Variants in CDON observed in about 807,000 individuals in gnomAD.
CDON encodes cell adhesion molecule-related/down-regulated by oncogenes.
In CDON, 73 loss-of-function variants were observed where a neutral mutation model predicts 120.9. The ratio of observed to expected loss-of-function variants is 0.60; its 90% CI spans 0.50 to 0.73. The LOEUF is 0.73. Among genes scored for constraint, CDON ranks in the 30% least tolerant of loss-of-function variants. The probability of loss-of-function intolerance (pLI) is 0.00; values close to 1 mark genes in which losing one functional copy is unlikely to be tolerated. For synonymous variants in CDON, 566 were observed against 573.5 expected, an observed-to-expected ratio of 0.99 and a Z score of 0.19; for missense variants, 1,470 against 1,587.3, an observed-to-expected ratio of 0.93 and a Z score of 1.26.
Position 126,017,158 on chromosome 11 carries a change from T to C in CDON, c.858A>G (p.Gly286=). The stretch of plus-strand genomic sequence containing the variant: ...TGTTTCCCGCCATGCAGGAATAGTT[T>C]CCGGAGTCCGCCGGGTCAACGCTAT... ...ATDSVDPADS[G]NYSCMAGNKS... The change falls in exon 6 of 20, where the codon GGA becomes GGG. Residue 286 remains glycine, a synonymous_variant. Coordinates refer to ENST00000531738, the MANE Select transcript of CDON (RefSeq NM_001378964.1). 1 of 1,614,196 alleles carries C rather than the reference T, an allele frequency of 6.2e-7. No individual in the cohort carries two copies. The highest frequency in any genetic ancestry group is 8.5e-7 in the Non-Finnish European group (1 of 1,180,032).
intron 17 of CDON, among the ~76,000 whole-genome samples, 159 bp from the exon 18 acceptor site, chr11:125,978,542 A>G (rs1251619615): frequency 6.6e-6 from 1 of 152,238 alleles, no homozygotes; most frequent in Admixed American, 6.5e-5. Context: ...GTCATTGTGA[A>G]TATCACTGAC....
intron 18 of CDON, among the ~76,000 whole-genome samples, chr11:125,964,869 C>A (rs1237626909): frequency 1.3e-5 from 2 of 152,186 alleles, no homozygotes; most frequent in Admixed American, 1.3e-4. Context: ...ATCAAAAGAT[C>A]AGAAATATCT....
intron 1 of CDON, among the ~76,000 whole-genome samples, chr11:126,032,231 G>A (rs1378889612): frequency 6.6e-6 from 1 of 152,036 alleles, no homozygotes; most frequent in Non-Finnish European, 1.5e-5. Flanking sequence ...ATTTGTACTT[G>A]GAGAGGTGAA....
intron 7 of CDON, among the ~76,000 whole-genome samples, chr11:126,012,315 A>G (rs1409678002): frequency 6.6e-6 from 1 of 152,174 alleles, no homozygotes; most frequent in Non-Finnish European, 1.5e-5. Context: ...CTCTTCCTAT[A>G]TAACTGGCTG....
intron 18 of CDON, among the ~76,000 whole-genome samples, chr11:125,973,010 T>C (rs1477529905): frequency 7.0e-6 from 1 of 143,324 alleles, no homozygotes; most frequent in Admixed American, 7.6e-5. Context: ...TTCAACCAAT[T>C]ACTTGGTCTT....
Position 125,959,124 on chromosome 11 carries a change from C to T in CDON, c.*1818G>A, listed in dbSNP as rs555867873. 3 of 152,190 alleles carry T rather than the reference C, an allele frequency of 2.0e-5. No homozygotes were observed. The highest frequency in any genetic ancestry group is 4.4e-5 in the Non-Finnish European group (3 of 68,042). 9.4% of individuals were successfully genotyped at this position (152,190 alleles called of 1,614,324 possible). ...AGGGAATTACATTCACTACATTCTA[C>T]TGGAAGTAACTCTTGCATAGTGACC... On this transcript the variant is annotated 3_prime_UTR_variant, in exon 20 of 20. Coordinates refer to ENST00000531738, the MANE Select transcript of CDON (RefSeq NM_001378964.1).
At chr11:126,031,189 G>A (rs1456444089) in intron 1 of CDON, among the ~76,000 whole-genome samples, 1 of 152,130 alleles carries the variant, frequency 6.6e-6, no homozygotes, top group Non-Finnish European at 1.5e-5. Flanking sequence ...GAGCTATCCT[G>A]GAAACTCAAC....
intron 15 of CDON, among the ~76,000 whole-genome samples, chr11:125,988,513 T>G (rs1296353960): frequency 6.6e-6 from 1 of 152,190 alleles, no homozygotes; most frequent in Non-Finnish European, 1.5e-5. Context: ...ACTAACAACG[T>G]TGGAGTTAGT....
chr11:126,050,505 C>G (rs1364045803), intron 1 of CDON, among the ~76,000 whole-genome samples: 1 of 149,592 alleles, frequency 6.7e-6, no homozygotes, highest in Non-Finnish European at 1.5e-5. Context: ...AACACACACA[C>G]ACACACACAC....
At chr11:126,049,253 C>T (rs1001251227) in intron 1 of CDON, among the ~76,000 whole-genome samples, 4 of 152,134 alleles carry the variant, frequency 2.6e-5, no homozygotes, top group Admixed American at 6.5e-5. Context: ...AACTTACAGA[C>T]AAGCATCATC....
intron 1 of CDON, among the ~76,000 whole-genome samples, chr11:126,040,986 C>A (rs1194635538): frequency 1.3e-5 from 2 of 151,442 alleles, no homozygotes; most frequent in African/African-American, 4.8e-5. Context: ...GTCAGGAGTT[C>A]CAGACCAGCC....
intron 8 of CDON, among the ~76,000 whole-genome samples, chr11:126,009,055 G>A (rs1454061189): frequency 2.0e-5 from 3 of 152,214 alleles, no homozygotes; most frequent in Non-Finnish European, 4.4e-5. Flanking sequence ...CTGTTACACA[G>A]ATGAGGAAAC....
chr11:125,989,809 T>C (rs369905927), intron 14 of CDON, 50 bp from the exon 15 acceptor site: 27 of 1,554,648 alleles, frequency 1.7e-5, no homozygotes, highest in Non-Finnish European at 2.1e-5. Flanking sequence ...TAAATGATAA[T>C]GTCAATATAA....
intron 2 of CDON, among the ~76,000 whole-genome samples, chr11:126,022,121 A>G (rs1487666144): frequency 1.3e-5 from 2 of 151,276 alleles, no homozygotes; most frequent in African/African-American, 4.9e-5. Flanking sequence ...AAAAAAAAAA[A>G]AAAAGAAAGA....
chr11:126,020,036 G>A (rs542039651), intron 3 of CDON, among the ~76,000 whole-genome samples: 30 of 151,848 alleles, frequency 2.0e-4, no homozygotes, highest in Non-Finnish European at 4.0e-4. Flanking sequence ...GGGTAACAGA[G>A]TGAGACCCTG....
chr11:126,059,977 C>A (rs1366910301), intron 1 of CDON, among the ~76,000 whole-genome samples: 1 of 150,826 alleles, frequency 6.6e-6, no homozygotes, highest in African/African-American at 2.4e-5. Context: ...TAATTGTAAT[C>A]CAATATTTTT....
At chr11:125,985,233 G>C (rs1045582252) in intron 15 of CDON, among the ~76,000 whole-genome samples, 3 of 152,174 alleles carry the variant, frequency 2.0e-5, no homozygotes, top group African/African-American at 7.2e-5. Context: ...GGAGTGCAAT[G>C]GTGTGATCTC....
chr11:126,023,378 C>G (rs1947692166), intron 2 of CDON, 23 bp downstream of exon 2: 2 of 1,500,110 alleles, frequency 1.3e-6, no homozygotes, highest in Non-Finnish European at 1.9e-6. Context: ...GCCAAACCAC[C>G]CCCTCCCCAA....
chr11:126,047,325 A>C (rs368151582), intron 1 of CDON, among the ~76,000 whole-genome samples: 19 of 152,150 alleles, frequency 1.2e-4, no homozygotes, highest in East Asian at 5.8e-4. Context: ...GAATTTACCC[A>C]AACTTTCACC....
Sources: gnomAD v4.1 joint callset for allele counts (sites outside exome capture counted in the v4.1 genomes callset) on GRCh38, gnomAD v4.1.1 for gene constraint, MANE v1.5 for transcripts, NCBI Gene and HGNC (gene_info 2026-07-23, HGNC 2026-07-21) for gene names.